The following JMJD1C variants were observed in gnomAD, a reference collection of about 807,000 sequenced individuals.
The protein encoded by JMJD1C is jumonji domain-containing protein 1C.
In JMJD1C, 31 loss-of-function variants were observed where a neutral mutation model predicts 245.3. The observed-to-expected ratio is 0.13, with a 90% CI of 0.09 to 0.17. The LOEUF is 0.17. JMJD1C is among the 10% of genes least tolerant of loss of function. The pLI, the probability that JMJD1C is intolerant of heterozygous loss-of-function variation, is 1.00. For missense variants in JMJD1C, 2,691 were observed against 3,000.2 expected, an observed-to-expected ratio of 0.90 and a Z score of 2.41; for synonymous variants, 1,057 against 1,017.4, an observed-to-expected ratio of 1.04 and a Z score of -0.74.
intron 2 of JMJD1C, among the ~76,000 whole-genome samples, chr10:63,327,638 T>C (rs1292352773): frequency 6.6e-6 from 1 of 152,010 alleles, no homozygotes; most frequent in Non-Finnish European, 1.5e-5. Flanking sequence ...TAAATTGCTT[T>C]TTAAGGATAC....
At position 63,198,634 on chromosome 10, in the gene JMJD1C, T is replaced by C; in HGVS notation, c.5370A>G (p.Glu1790=). The change falls in exon 12 of 26, where the codon GAA becomes GAG. Residue 1790 remains glutamate (E), a synonymous_variant. Transcript: ENST00000399262. The stretch of plus-strand genomic sequence containing the variant: ...TATCTAGTTCATCATCTTCAAAATT[T>C]TCATGTGTCCACAAACTCATAGCTT... ...DDEAMSLWTH[E]NFEDDELDIE... The C allele has an allele frequency of 6.2e-7, 1 of 1,612,396 alleles. No homozygotes were observed. Among genetic ancestry groups the C allele is most frequent in the Non-Finnish European group, 8.5e-7 (1 of 1,178,928 alleles).
chr10:63,518,744 T>C (rs1955106987), intron 1 of JMJD1C, among the ~76,000 whole-genome samples: 2 of 152,256 alleles, frequency 1.3e-5, no homozygotes, highest in Non-Finnish European at 2.9e-5. Flanking sequence ...TGTTCAGGAC[T>C]GTCCCACACC....
At chr10:63,433,902 CAAAA>C (rs34824418) in intron 1 of JMJD1C, among the ~76,000 whole-genome samples, 1 of 127,518 alleles carries the variant, frequency 7.8e-6, no homozygotes, top group Non-Finnish European at 1.7e-5. Flanking sequence ...AATTGAGTTC[CAAAA>C]AAAAAAAAAA....
At chr10:63,474,883 G>A (rs961979639) in intron 1 of JMJD1C, among the ~76,000 whole-genome samples, 3 of 151,882 alleles carry the variant, frequency 2.0e-5, no homozygotes, top group Non-Finnish European at 4.4e-5. Context: ...GAGTAATAAT[G>A]TAATACGGAA....
At chr10:63,357,391 C>T (rs533101832) in intron 2 of JMJD1C, among the ~76,000 whole-genome samples, 25 of 152,256 alleles carry the variant, frequency 1.6e-4, no homozygotes, top group Non-Finnish European at 3.1e-4. Context: ...CAGCAACCTA[C>T]GCCTCCCAGG....
chr10:63,433,203 T>G (rs913311959), intron 1 of JMJD1C, among the ~76,000 whole-genome samples: 1 of 151,980 alleles, frequency 6.6e-6, no homozygotes, highest in African/African-American at 2.4e-5. Context: ...TTCAAGCGAT[T>G]CTCCTGCCTC....
At chr10:63,433,565 T>C (rs1012212704) in intron 1 of JMJD1C, among the ~76,000 whole-genome samples, 1 of 145,614 alleles carries the variant, frequency 6.9e-6, no homozygotes, top group African/African-American at 2.5e-5. Context: ...CAAGAAACAA[T>C]GTACTCTTTT....
intron 2 of JMJD1C, among the ~76,000 whole-genome samples, chr10:63,278,157 G>A (rs1405130186): frequency 1.3e-5 from 2 of 151,916 alleles, no homozygotes; most frequent in African/African-American, 2.4e-5. Context: ...AATACAGGCT[G>A]GATGATAATT....
intron 2 of JMJD1C, among the ~76,000 whole-genome samples, chr10:63,320,732 G>A (rs544389893): frequency 2.0e-5 from 3 of 152,264 alleles, no homozygotes; most frequent in South Asian, 4.1e-4. Flanking sequence ...CAGGCACTAG[G>A]AGAATCTTTT....
At chr10:63,518,735 G>C (rs1403907836) in intron 1 of JMJD1C, among the ~76,000 whole-genome samples, 1 of 152,210 alleles carries the variant, frequency 6.6e-6, no homozygotes, top group Admixed American at 6.5e-5. Flanking sequence ...GGGACACTTT[G>C]TTCAGGACTG....
chr10:63,450,112 C>CA (rs1564932131), intron 1 of JMJD1C, among the ~76,000 whole-genome samples: 1 of 150,094 alleles, frequency 6.7e-6, no homozygotes, highest in Non-Finnish European at 1.5e-5. Flanking sequence ...GACCCTGTCT[C>CA]AAAAAACAAA....
chr10:63,472,607 C>T (rs1423338031), intron 1 of JMJD1C, among the ~76,000 whole-genome samples: 1 of 152,170 alleles, frequency 6.6e-6, no homozygotes, highest in African/African-American at 2.4e-5. Flanking sequence ...GCTGGGATTG[C>T]AGGCATGAGC....
chr10:63,263,951 AATACAC>A (rs1366732593), intron 3 of JMJD1C, among the ~76,000 whole-genome samples: 63 of 107,216 alleles, frequency 5.9e-4, no homozygotes, highest in Non-Finnish European at 5.5e-4. Flanking sequence ...AAAAAAAAAA[AATACAC>A]ATACACACAC....
intron 10 of JMJD1C, among the ~76,000 whole-genome samples, chr10:63,202,062 C>T (rs1846078076): frequency 6.6e-6 from 1 of 151,662 alleles, no homozygotes; most frequent in South Asian, 2.1e-4. Flanking sequence ...CAAGACCAGT[C>T]TGGCCAATAG....
chr10:63,233,778 C>T (rs916569005), intron 3 of JMJD1C, among the ~76,000 whole-genome samples: 1 of 141,450 alleles, frequency 7.1e-6, no homozygotes, highest in Non-Finnish European at 1.6e-5. Flanking sequence ...CACACACACA[C>T]ACACACCACC....
At chr10:63,234,603 A>T (rs1462823099) in intron 3 of JMJD1C, among the ~76,000 whole-genome samples, 2 of 151,584 alleles carry the variant, frequency 1.3e-5, no homozygotes, top group Admixed American at 6.6e-5. Flanking sequence ...TTTGCTAAAA[A>T]TATCGTTAAA....
intron 2 of JMJD1C, among the ~76,000 whole-genome samples, chr10:63,289,099 G>A (rs866244449): frequency 3.3e-5 from 5 of 151,690 alleles, no homozygotes; most frequent in Non-Finnish European, 5.9e-5. Context: ...GGGTCTTTTC[G>A]TTGCCTGGCC....
chr10:63,521,606 C>G (rs1206840790), intron 1 of JMJD1C: 1 of 1,389,940 alleles, frequency 7.2e-7, no homozygotes. Flanking sequence ...GCCCTGCAGC[C>G]GGCGCGAGGC....
In JMJD1C at chr10:63,297,896, A is replaced by G. The variant is rs140685708; in HGVS notation, c.334-33132T>C. On this transcript the variant is annotated intron_variant, in intron 2 of 25. Transcript: ENST00000399262. Reference sequence around the variant, plus strand: ...TGGCCCTACTGGGAGCCCAGACCTCAGGGCTCCTCAAGCCAGGGCTGTGAC... The same window carrying G: ...TGGCCCTACTGGGAGCCCAGACCTCGGGGCTCCTCAAGCCAGGGCTGTGAC... Among the ~76,000 whole-genome samples the G allele has an allele frequency of 4.5e-3, 692 of 152,342 alleles. 6 individuals are homozygous for G. The highest frequency in any genetic ancestry group is 0.014 in the Middle Eastern group (4 of 292).
Sources: gnomAD v4.1 joint callset for allele counts (sites outside exome capture counted in the v4.1 genomes callset) on GRCh38, gnomAD v4.1.1 for gene constraint, MANE v1.5 for transcripts, NCBI Gene and HGNC (gene_info 2026-07-23, HGNC 2026-07-21) for gene names.